DLGAP2: variants seen among roughly 807,000 people sequenced by gnomAD.
The protein encoded by DLGAP2 is DLG associated protein 2.
A neutral mutation model predicts 100.3 loss-of-function variants in DLGAP2; 26 were observed. That is an observed-to-expected ratio of 0.26 (90% confidence interval 0.19 to 0.36). DLGAP2 has a LOEUF of 0.36. Among genes scored for constraint, DLGAP2 ranks in the 10% least tolerant of loss-of-function variants. The pLI is 1.00. For synonymous variants in DLGAP2, 886 were observed against 630.1 expected, an observed-to-expected ratio of 1.41 and a Z score of -6.08; for missense variants, 1,858 against 1,453.2, an observed-to-expected ratio of 1.28 and a Z score of -4.53.
At chr8:775,627 G>T (rs1334329246) in intron 1 of DLGAP2, among the ~76,000 whole-genome samples, 2 of 74,616 alleles carry the variant, frequency 2.7e-5, no homozygotes, top group African/African-American at 5.1e-5. Flanking sequence ...TTTGTCTTTG[G>T]TTCTGTTTAT....
intron 3 of DLGAP2, among the ~76,000 whole-genome samples, chr8:1,363,329 G>A (rs1482961944): frequency 1.3e-5 from 2 of 151,800 alleles, no homozygotes; most frequent in East Asian, 3.9e-4. Flanking sequence ...CCCGTGGCAT[G>A]CTTGCGGCTG....
At chr8:1,571,791 G>A (rs2130602114) in intron 6 of DLGAP2, among the ~76,000 whole-genome samples, 1 of 139,940 alleles carries the variant, frequency 7.1e-6, no homozygotes. Context: ...GAGGAGACGG[G>A]GTGAACTATG....
intron 2 of DLGAP2, among the ~76,000 whole-genome samples, chr8:1,176,597 A>C (rs371012319): frequency 0.62 from 93,452 of 151,752 alleles, 28,830 homozygotes; most frequent in Admixed American, 0.67. Flanking sequence ...AATCCAGTGC[A>C]CGACAGGGGT....
intron 12 of DLGAP2, among the ~76,000 whole-genome samples, chr8:1,686,437 G>A (rs901340993): frequency 4.6e-5 from 7 of 152,218 alleles, no homozygotes; most frequent in Non-Finnish European, 7.3e-5. Context: ...GGAGGATAAG[G>A]CAGGCAGATC....
At chr8:1,497,065 C>A (rs890875491) in intron 3 of DLGAP2, among the ~76,000 whole-genome samples, 2 of 152,168 alleles carry the variant, frequency 1.3e-5, no homozygotes, top group African/African-American at 4.8e-5. Flanking sequence ...AGAAAGGTGA[C>A]TCCTAAAGTA....
At chr8:1,065,839 C>T (rs1803227702) in intron 2 of DLGAP2, among the ~76,000 whole-genome samples, 1 of 152,138 alleles carries the variant, frequency 6.6e-6, no homozygotes, top group Admixed American at 6.5e-5. Context: ...TGGCCTGGGT[C>T]CCAGGAATTC....
intron 2 of DLGAP2, among the ~76,000 whole-genome samples, chr8:1,033,907 C>G (rs1404553798): frequency 9.6e-6 from 1 of 104,254 alleles, no homozygotes; most frequent in Non-Finnish European, 2.0e-5. Context: ...AGTGGACTCA[C>G]ACCCTCATCC....
intron 2 of DLGAP2, among the ~76,000 whole-genome samples, chr8:1,187,023 G>A (rs60015836): frequency 0.16 from 23,865 of 152,098 alleles, 4,230 homozygotes; most frequent in African/African-American, 0.44. Context: ...TGCAGGTGGC[G>A]GTCGTGGGCC....
At chr8:1,475,783 A>G (rs891205088) in intron 3 of DLGAP2, among the ~76,000 whole-genome samples, 3 of 152,194 alleles carry the variant, frequency 2.0e-5, no homozygotes, top group South Asian at 4.1e-4. Flanking sequence ...CCAACTATTC[A>G]ATAATGCTTC....
At chr8:1,265,022 C>T (rs1261973423) in intron 3 of DLGAP2, among the ~76,000 whole-genome samples, 1 of 152,104 alleles carries the variant, frequency 6.6e-6, no homozygotes, top group Non-Finnish European at 1.5e-5. Flanking sequence ...GCTCCCCAGC[C>T]AAGTGGAAAT....
intron 2 of DLGAP2, among the ~76,000 whole-genome samples, chr8:1,146,861 C>G (rs915853102): frequency 6.6e-6 from 1 of 152,208 alleles, no homozygotes; most frequent in Admixed American, 6.5e-5. Flanking sequence ...AACCATTGAT[C>G]TCTTTGTCAA....
intron 3 of DLGAP2, among the ~76,000 whole-genome samples, chr8:1,264,806 T>C (rs1175971822): frequency 6.6e-6 from 1 of 152,284 alleles, no homozygotes; most frequent in Non-Finnish European, 1.5e-5. Flanking sequence ...GTCACTCCCA[T>C]AATCACCACG....
intron 3 of DLGAP2, among the ~76,000 whole-genome samples, chr8:1,485,310 A>T (rs1017835361): frequency 2.6e-5 from 4 of 152,206 alleles, no homozygotes; most frequent in Non-Finnish European, 5.9e-5. Flanking sequence ...AGATTTTTTC[A>T]TATCATTTTT....
intron 5 of DLGAP2, among the ~76,000 whole-genome samples, chr8:1,550,860 CAT>C (rs1011519964): frequency 1.3e-4 from 20 of 152,214 alleles, no homozygotes; most frequent in Admixed American, 2.6e-4. Context: ...AAAAACATAA[CAT>C]GTGTGTCCCA....
chr8:983,192 T>C (rs1227080306), intron 2 of DLGAP2, among the ~76,000 whole-genome samples: 1 of 152,256 alleles, frequency 6.6e-6, no homozygotes, highest in African/African-American at 2.4e-5. Flanking sequence ...CCTTTAAATA[T>C]GCCCTTAGAA....
At chr8:1,505,031 G>A (rs1201346687) in intron 4 of DLGAP2, among the ~76,000 whole-genome samples, 2 of 152,190 alleles carry the variant, frequency 1.3e-5, no homozygotes, top group Non-Finnish European at 2.9e-5. Context: ...GAAGGAAAGA[G>A]GGAGGGAAGG....
At chr8:1,303,778 A>T (rs575759455) in intron 3 of DLGAP2, among the ~76,000 whole-genome samples, 3 of 152,066 alleles carry the variant, frequency 2.0e-5, no homozygotes, top group African/African-American at 7.2e-5. Context: ...GGCTAAATTA[A>T]TCCTGCATCC....
chr8:1,346,541 A>G (rs188275741), intron 3 of DLGAP2, among the ~76,000 whole-genome samples: 1,969 of 148,356 alleles, frequency 0.013, 47 homozygotes, highest in African/African-American at 0.046. Context: ...ACAGAGCTGC[A>G]TTGCACTCAT....
chr8:907,291 C>T (rs559888573), intron 1 of DLGAP2, among the ~76,000 whole-genome samples: 13 of 152,342 alleles, frequency 8.5e-5, no homozygotes, highest in African/African-American at 2.6e-4. Flanking sequence ...CCACAGACAT[C>T]TCTTCAGCTG....
Sources: allele counts gnomAD v4.1 joint callset (sites outside exome capture counted in the v4.1 genomes callset), GRCh38; gene constraint gnomAD v4.1.1; transcripts MANE v1.5; gene names NCBI Gene and HGNC (gene_info 2026-07-23, HGNC 2026-07-21).